VPS13D: variants seen among roughly 807,000 people sequenced by gnomAD.
The protein encoded by VPS13D is vacuolar protein sorting 13 homolog D.
VPS13D carries 187 observed loss-of-function variants against 461.9 expected under a neutral mutation model. The ratio of observed to expected loss-of-function variants is 0.40; its 90% confidence interval spans 0.36 to 0.46. VPS13D has a LOEUF of 0.46. Ranked by LOEUF, VPS13D falls within the 20% of genes least tolerant of loss-of-function variation. VPS13D has a pLI of 0.60. For synonymous variants in VPS13D, 1,951 were observed against 1,986.3 expected (o/e 0.98, Z 0.47); for missense variants, 4,711 against 5,364.9 (o/e 0.88, Z 3.81).
At chr1:12,434,995 G>C (rs1214727207) in intron 65 of VPS13D, among the ~76,000 whole-genome samples, 3 of 152,204 alleles carry the variant, frequency 2.0e-5, no homozygotes, top group Non-Finnish European at 4.4e-5. Flanking sequence ...TTGCCATGCA[G>C]TTTATGAAAT....
chr1:12,501,607 T>C (rs1354509292), intron 68 of VPS13D, among the ~76,000 whole-genome samples: 3 of 152,244 alleles, frequency 2.0e-5, no homozygotes, highest in African/African-American at 7.2e-5. Flanking sequence ...AATGCCAGTG[T>C]CATTTTCTGA....
In VPS13D at chr1:12,415,810, G is replaced by A. The variant is rs547658446; in HGVS notation, c.12165+589G>A. Among the ~76,000 whole-genome samples, 4 of 152,210 alleles carry A rather than the reference G, an allele frequency of 2.6e-5. No homozygotes were observed. The South Asian group carries it at 8.3e-4, about 32-fold the overall frequency. ...TCCTTTTTTGACTATCCTAATTGGT[G>A]ATATTTCCACCTAACTAAGGAAAGT... On this transcript the variant is annotated intron_variant, in intron 64 of 69. Coordinates refer to ENST00000620676, the MANE Select transcript of VPS13D (RefSeq NM_015378.4).
intron 67 of VPS13D, among the ~76,000 whole-genome samples, chr1:12,489,842 A>C (rs1312920418): frequency 6.6e-6 from 1 of 152,236 alleles, no homozygotes; most frequent in East Asian, 1.9e-4. Context: ...TTTATAGATG[A>C]GAAAACCATC....
intron 35 of VPS13D, 21 bp from the exon 36 acceptor site, chr1:12,327,627 C>G (rs747150689): frequency 8.1e-6 from 13 of 1,612,796 alleles, no homozygotes; most frequent in Middle Eastern, 1.7e-4. Context: ...TAGAACTGAT[C>G]ACTTCTTAAT....
At chr1:12,400,994 AC>A (rs1644571180) in intron 61 of VPS13D, among the ~76,000 whole-genome samples, 6 of 151,948 alleles carry the variant, frequency 3.9e-5, no homozygotes, top group African/African-American at 1.5e-4. Context: ...ACACACACAC[AC>A]ACACACACAA....
intron 67 of VPS13D, among the ~76,000 whole-genome samples, chr1:12,462,375 C>T (rs941243937): frequency 2.0e-5 from 3 of 152,112 alleles, no homozygotes; most frequent in Admixed American, 2.0e-4. Flanking sequence ...GAGAGAATCA[C>T]CTTCCAGGTA....
In VPS13D at chr1:12,345,158, A is replaced by G. The variant is rs114886369; in HGVS notation, c.8886-216A>G. The G allele has an allele frequency of 2.3e-3, 1,123 of 484,568 alleles. 11 individuals are homozygous for G. Among genetic ancestry groups the G allele is most frequent in the African/African-American group, 0.019 (1,005 of 52,648 alleles). The allele number at this position is 484,568 out of a possible 1,614,324, so 30.0% of individuals were successfully genotyped here. A position where few individuals can be genotyped will look rare whatever the true frequency, so the allele number is the denominator to read the frequency against. ...ACAATGGAGGATAAATGCCACTCTT[A>G]CTCAGTCAAGCTTTACAGATCTTGC... is the stretch of plus-strand genomic sequence containing the variant. On this transcript the variant is annotated intron_variant, in intron 42 of 69. Transcript: ENST00000620676.
intron 35 of VPS13D, among the ~76,000 whole-genome samples, chr1:12,326,758 C>G (rs1643200500): frequency 6.6e-6 from 1 of 151,998 alleles, no homozygotes. Context: ...ATTCTCCTGT[C>G]TCAGCCTCCC....
At chr1:12,298,158 T>C (rs560482268) in intron 24 of VPS13D, among the ~76,000 whole-genome samples, 1 of 152,318 alleles carries the variant, frequency 6.6e-6, no homozygotes, top group African/African-American at 2.4e-5. Context: ...GTAGGGCTTA[T>C]GGCTTATTAT....
chr1:12,408,811 C>A (rs897000312), intron 63 of VPS13D, among the ~76,000 whole-genome samples: 1 of 152,210 alleles, frequency 6.6e-6, no homozygotes, highest in Non-Finnish European at 1.5e-5. Flanking sequence ...TTGCTGACTT[C>A]CCTGTTCTTG....
At position 12,333,357 on chromosome 1, in the gene VPS13D, G is replaced by A. The variant is rs1232333514; in HGVS notation, c.8419G>A (p.Val2807Met). ...KPRLDINITS[V>M]LIDQYVSTKE... is the part of the protein sequence containing the mutation. ...TCGTTTGGATATCAATATCACTTCT[G>A]TGCTAATTGGTGAGTAGAAAGTTGT... The change falls in exon 38 of 70, where the codon GTG becomes ATG. Residue 2807 changes from valine (V) to methionine (M), a missense_variant. Coordinates refer to ENST00000620676, the MANE Select transcript of VPS13D (RefSeq NM_015378.4). 3.1e-6 allele frequency: 5 copies of A among 1,614,060 alleles called. No homozygotes were observed. Among genetic ancestry groups the A allele is most frequent in the Admixed American group, 3.3e-5 (2 of 60,006 alleles).
At chr1:12,298,232 C>G (rs1168112656) in intron 24 of VPS13D, among the ~76,000 whole-genome samples, 5 of 152,168 alleles carry the variant, frequency 3.3e-5, no homozygotes, top group African/African-American at 1.2e-4. Context: ...CCAAGATAAC[C>G]AAGCTACTAA....
intron 63 of VPS13D, among the ~76,000 whole-genome samples, chr1:12,413,169 T>TTTTG (rs547764572): frequency 2.0e-4 from 31 of 152,174 alleles, no homozygotes; most frequent in Admixed American, 4.6e-4. Context: ...CTGGGTGTTT[T>TTTTG]TTTGTTTGTT....
intron 19 of VPS13D, among the ~76,000 whole-genome samples, chr1:12,278,683 A>G (rs115491370): frequency 0.022 from 3,309 of 152,314 alleles, 62 homozygotes; most frequent in African/African-American, 0.038. Context: ...TTGGTCAAAT[A>G]TATCTGATTT....
Position 12,473,182 on chromosome 1 carries a change from T to G in VPS13D, c.12662+12786T>G, listed in dbSNP as rs986372837. Among the ~76,000 whole-genome samples the G allele has an allele frequency of 7.2e-5, 11 of 152,156 alleles. No individual in the cohort carries two copies. The highest frequency in any genetic ancestry group is 1.6e-4 in the Non-Finnish European group (11 of 68,016). ...GGGTGCTGATGGGTGTTTTGTAGTT[T>G]CCAAGGGAAGTTGCTGAAAGTTTTC... is the stretch of plus-strand genomic sequence containing the variant. On this transcript the variant is annotated intron_variant, in intron 67 of 69. Coordinates refer to ENST00000620676, the MANE Select transcript of VPS13D (RefSeq NM_015378.4). The surrounding 1 kb of genome is among the most constrained non-coding windows in gnomAD (Gnocchi z 4.2).
intron 29 of VPS13D, among the ~76,000 whole-genome samples, chr1:12,313,156 C>T (rs1300632643): frequency 1.3e-5 from 2 of 152,134 alleles, no homozygotes; most frequent in African/African-American, 2.4e-5. Flanking sequence ...CCAGTGATTC[C>T]CTGCTGAAGC....
In VPS13D at chr1:12,332,784, A is replaced by AAGTT. The variant is rs770681775; in HGVS notation, c.8288-439_8288-438insTAGT. 2.6e-4 allele frequency among the ~76,000 whole-genome samples: 40 copies of AAGTT among 152,342 alleles called. 3 individuals are homozygous for AAGTT. The highest frequency in any genetic ancestry group is 2.1e-3 in the Admixed American group (32 of 15,308). ...TTGTGCATATTTTAAGAAAAAGAAA[A>AAGTT]AGTGAGCCTTCATATGTACCTATTT... On this transcript the variant is annotated intron_variant, in intron 37 of 69. Coordinates refer to ENST00000620676, the MANE Select transcript of VPS13D (RefSeq NM_015378.4).
At chr1:12,289,455 G>C (rs1217631361) in intron 22 of VPS13D, among the ~76,000 whole-genome samples, 1 of 151,906 alleles carries the variant, frequency 6.6e-6, no homozygotes, top group South Asian at 2.1e-4. Context: ...CAAAGCTCAT[G>C]TTGATGCTGT....
chr1:12,396,138 A>C (rs953077622), intron 60 of VPS13D, among the ~76,000 whole-genome samples: 1 of 151,396 alleles, frequency 6.6e-6, no homozygotes, highest in Admixed American at 6.6e-5. Context: ...AGACAAGCCA[A>C]ATACTGACAA....
Sources: gnomAD v4.1 joint callset for allele counts (sites outside exome capture counted in the v4.1 genomes callset) on GRCh38, gnomAD v4.1.1 for gene constraint, Gnocchi (gnomAD v3.1) non-coding constraint, MANE v1.5 for transcripts, NCBI Gene and HGNC (gene_info 2026-07-23, HGNC 2026-07-21) for gene names.